The following MTM1 variants were observed in gnomAD, a reference collection of about 807,000 sequenced individuals.
MTM1 encodes the protein myotubularin.
A neutral mutation model predicts 52.1 loss-of-function variants in MTM1; 9 were observed. The ratio of observed to expected loss-of-function variants is 0.17; its 90% confidence interval spans 0.10 to 0.30. The LOEUF is 0.30. Ranked by LOEUF, MTM1 falls within the 10% of genes least tolerant of loss-of-function variation. The probability of loss-of-function intolerance (pLI) is 1.00; values close to 1 mark genes in which losing one functional copy is unlikely to be tolerated. For synonymous variants in MTM1, 136 were observed against 163.8 expected (o/e 0.83, Z 1.29); for missense variants, 277 against 470.7 (o/e 0.59, Z 3.81).
At position 150,671,510 on chromosome X, in the gene MTM1, T is replaced by C. The variant is rs1569565555; in HGVS notation, c.1727T>C (p.Leu576Pro). Residue 576 changes from leucine (L) to proline (P), a missense_variant, in exon 15 of 15, where the codon CTC becomes CCC. This residue lies in a region of MTM1 where 51 missense variants were observed against 52.2 expected (regional missense o/e 0.98). Transcript: ENST00000370396. ...EYIKRLEELQLANSAKLSDPP... is the reference protein window; with the variant it reads ...EYIKRLEELQPANSAKLSDPP... The stretch of plus-strand genomic sequence containing the variant: ...ATAAAGCGGCTTGAGGAACTGCAGC[T>C]CGCCAACTCTGCCAAGCTTTCTGAT... 1 of 1,208,871 alleles carries C rather than the reference T, an allele frequency of 8.3e-7. No homozygotes were observed. Among genetic ancestry groups the C allele is most frequent in the Non-Finnish European group, 1.1e-6 (1 of 895,088 alleles).
At chrX:150,656,528 T>C (rs1350479933) in intron 10 of MTM1, among the ~76,000 whole-genome samples, 1 of 112,295 alleles carries the variant, frequency 8.9e-6, no homozygotes, top group Non-Finnish European at 1.9e-5. Context: ...TCATAGTTTC[T>C]GGTACTTTAT....
At position 150,630,348 on chromosome X, in the gene MTM1, C is replaced by T. The variant is rs900047031; in HGVS notation, c.445-8595C>T. 5.0e-4 allele frequency among the ~76,000 whole-genome samples: 56 copies of T among 111,903 alleles called. 1 individual carries two copies. Among genetic ancestry groups the T allele is most frequent in the Non-Finnish European group, 8.8e-4 (47 of 53,152 alleles). On this transcript the variant is annotated intron_variant, in intron 6 of 14. Transcript: ENST00000370396. ...CTCAGAGGTGATCTGCCCTCCTCAGCCTCCCAACATGCTGGGATTACAGGC... is the reference window on the plus strand; with the variant it reads ...CTCAGAGGTGATCTGCCCTCCTCAGTCTCCCAACATGCTGGGATTACAGGC...
At chrX:150,565,820 G>A (rs1364354844), upstream of MTM1, among the ~76,000 whole-genome samples, 2 of 111,851 alleles carry the variant, frequency 1.8e-5, no homozygotes, top group African/African-American at 6.5e-5. Flanking sequence ...GGAAACAGGT[G>A]TAGGCTGTGC....
chrX:150,582,928 G>A (rs60465990), intron 1 of MTM1, among the ~76,000 whole-genome samples: 12,480 of 102,319 alleles, frequency 0.12, 754 homozygotes, highest in African/African-American at 0.22. Flanking sequence ...GTGTTGACAA[G>A]CTTGGGATTT....
At chrX:150,664,859 G>A (rs1375785497) in intron 14 of MTM1, among the ~76,000 whole-genome samples, 6 of 111,950 alleles carry the variant, frequency 5.4e-5, no homozygotes, top group African/African-American at 1.6e-4. Context: ...GAGAAAGTAC[G>A]GACAGTTTTT....
intron 1 of MTM1, among the ~76,000 whole-genome samples, chrX:150,578,102 C>T (rs1557411714): frequency 8.9e-6 from 1 of 111,994 alleles, no homozygotes; most frequent in South Asian, 3.7e-4. Context: ...AGAAGTTATC[C>T]TGGGTAGGCC....
At chrX:150,638,143 A>G (rs890185303) in intron 6 of MTM1, among the ~76,000 whole-genome samples, 1 of 112,009 alleles carries the variant, frequency 8.9e-6, no homozygotes, top group Non-Finnish European at 1.9e-5. Flanking sequence ...GAAGTCATGT[A>G]CTGAAATGGG....
At chrX:150,601,905 C>T (rs912087688) in intron 4 of MTM1, among the ~76,000 whole-genome samples, 1 of 112,048 alleles carries the variant, frequency 8.9e-6, no homozygotes, top group Admixed American at 9.5e-5. Context: ...TCTCAAACTA[C>T]GCAGAGCCTT....
intron 5 of MTM1, among the ~76,000 whole-genome samples, chrX:150,615,376 CTT>C: frequency 9.0e-6 from 1 of 111,020 alleles, no homozygotes; most frequent in East Asian, 2.8e-4. Flanking sequence ...GCTTTGCAGA[CTT>C]TTTCTGTGAA....
At chrX:150,587,723 T>C (rs1405608463) in intron 1 of MTM1, among the ~76,000 whole-genome samples, 4 of 111,633 alleles carry the variant, frequency 3.6e-5, no homozygotes, top group Non-Finnish European at 7.5e-5. Flanking sequence ...TCAGAATAAA[T>C]TTATAGTAAA....
In MTM1 at chrX:150,652,660, C is replaced by T. The variant is rs200859759; in HGVS notation, c.1053+2759C>T. Among the ~76,000 whole-genome samples the T allele has an allele frequency of 9.2e-3, 200 of 21,736 alleles. 6 individuals are homozygous for T. Among genetic ancestry groups the T allele is most frequent in the Non-Finnish European group, 6.4e-3 (87 of 13,604 alleles). The allele number at this position is 21,736 out of a possible 115,157, so 18.9% of individuals were successfully genotyped here. A position where few individuals can be genotyped will look rare whatever the true frequency, so the allele number is the denominator to read the frequency against. ...ACGTGTGTGTGTGTATATATATATA[C>T]ACACACACACACACACACACACACA... On this transcript the variant is annotated intron_variant, in intron 10 of 14. Transcript: ENST00000370396.
chrX:150,579,936 A>AT (rs1418331058), intron 1 of MTM1, among the ~76,000 whole-genome samples: 1 of 110,632 alleles, frequency 9.0e-6, no homozygotes, highest in African/African-American at 3.3e-5. Flanking sequence ...TATTCTTAGG[A>AT]TTTTTTTTGC....
At chrX:150,614,387 G>A (rs2039344358) in intron 4 of MTM1, among the ~76,000 whole-genome samples, 1 of 112,108 alleles carries the variant, frequency 8.9e-6, no homozygotes, top group South Asian at 3.7e-4. Context: ...AATGGCAAAT[G>A]TTTGGGGATG....
chrX:150,578,765 G>A (rs189908316), intron 1 of MTM1, among the ~76,000 whole-genome samples: 1 of 110,151 alleles, frequency 9.1e-6, no homozygotes, highest in East Asian at 2.8e-4. Flanking sequence ...CAGTACTGCA[G>A]TGTCTTGATT....
intron 8 of MTM1, among the ~76,000 whole-genome samples, chrX:150,642,807 CAG>C (rs1557413880): frequency 8.9e-6 from 1 of 111,840 alleles, no homozygotes; most frequent in African/African-American, 3.3e-5. Context: ...GGATTTGAAA[CAG>C]AGAAAATTGA....
intron 6 of MTM1, among the ~76,000 whole-genome samples, chrX:150,620,337 A>G (rs59323861): frequency 3.6e-5 from 4 of 112,167 alleles, no homozygotes; most frequent in African/African-American, 1.3e-4. Flanking sequence ...ATACTCCCCT[A>G]AAAAAGTCAA....
chrX:150,607,620 T>C (rs2039191876), intron 4 of MTM1, among the ~76,000 whole-genome samples: 1 of 111,876 alleles, frequency 8.9e-6, no homozygotes. Context: ...TCTATGCGGC[T>C]CATTTTTTCT....
chrX:150,590,349 A>G (rs1299895563), intron 1 of MTM1, among the ~76,000 whole-genome samples: 2 of 112,342 alleles, frequency 1.8e-5, no homozygotes, highest in Non-Finnish European at 3.8e-5. Flanking sequence ...AGCTTTAGAC[A>G]TAAAGACTGC....
intron 10 of MTM1, among the ~76,000 whole-genome samples, chrX:150,657,399 T>C (rs1186619850): frequency 9.6e-6 from 1 of 104,610 alleles, no homozygotes; most frequent in Non-Finnish European, 1.9e-5. Flanking sequence ...CCGCATGTTC[T>C]CACTCATAGG....
Sources: allele counts gnomAD v4.1 joint callset (sites outside exome capture counted in the v4.1 genomes callset), GRCh38; gene constraint gnomAD v4.1.1; regional missense constraint gnomAD v4.1.1; transcripts MANE v1.5; gene names NCBI Gene and HGNC (gene_info 2026-07-23, HGNC 2026-07-21).